Variants in DPP10 observed in about 807,000 individuals in gnomAD.
The protein encoded by DPP10 is dipeptidyl peptidase like 10.
Under a neutral mutation model 120.9 loss-of-function variants are expected in DPP10, and 33 were observed. The observed-to-expected ratio is 0.27, with a 90% confidence interval of 0.21 to 0.37. The LOEUF (loss-of-function observed/expected upper bound fraction) is 0.37. DPP10 is among the 10% of genes least tolerant of loss of function. The pLI is 1.00. For synonymous variants in DPP10, 337 were observed against 326.1 expected (o/e 1.03, Z -0.36); for missense variants, 816 against 942.8 (o/e 0.87, Z 1.76).
chr2:114,629,075 T>C (rs553593941), intron 1 of DPP10, among the ~76,000 whole-genome samples: 1 of 152,298 alleles, frequency 6.6e-6, no homozygotes, highest in East Asian at 1.9e-4. Flanking sequence ...ATGGGTTATT[T>C]TAAATAGTTC....
chr2:115,449,601 A>G lies in DPP10; in HGVS notation c.272-49909A>G, dbSNP rs12619844. Among the ~76,000 whole-genome samples, 606 of 152,196 alleles carry G rather than the reference A, an allele frequency of 4.0e-3. 16 individuals are homozygous for G. In the East Asian group the frequency reaches 0.076, roughly 19 times the overall value. On this transcript the variant is annotated intron_variant, in intron 3 of 25. Coordinates refer to ENST00000410059, the MANE Select transcript of DPP10 (RefSeq NM_020868.6). ...TCAGATTTAGGATCCTGTAATGAAC[A>G]CATCCCAGTCTCTCTTCTAGCTAAA...
chr2:115,033,693 C>T (rs1704007903), intron 1 of DPP10, among the ~76,000 whole-genome samples: 1 of 71,772 alleles, frequency 1.4e-5, no homozygotes, highest in Non-Finnish European at 2.8e-5. Flanking sequence ...CAATATCTTC[C>T]CTCCTTTTTT....
intron 1 of DPP10, among the ~76,000 whole-genome samples, chr2:114,735,453 T>A (rs1407654340): frequency 6.6e-6 from 1 of 152,192 alleles, no homozygotes; most frequent in African/African-American, 2.4e-5. Context: ...GTAAAAATCT[T>A]TCAGATGGTT....
At chr2:114,860,402 G>A (rs1400868452) in intron 1 of DPP10, among the ~76,000 whole-genome samples, 2 of 152,118 alleles carry the variant, frequency 1.3e-5, no homozygotes, top group Non-Finnish European at 2.9e-5. Flanking sequence ...AGGAGCATTG[G>A]GGATTACAGA....
chr2:115,179,176 A>G (rs185621210), intron 1 of DPP10, among the ~76,000 whole-genome samples: 75 of 152,322 alleles, frequency 4.9e-4, no homozygotes, highest in African/African-American at 1.7e-3. Flanking sequence ...TCTGAAACAC[A>G]ATTCTATACC....
At chr2:115,416,865 G>T (rs778638959) in intron 3 of DPP10, among the ~76,000 whole-genome samples, 2 of 152,124 alleles carry the variant, frequency 1.3e-5, no homozygotes, top group African/African-American at 2.4e-5. Context: ...TAAAGAGATT[G>T]AAATTTCTGA....
intron 5 of DPP10, among the ~76,000 whole-genome samples, chr2:115,544,420 C>G (rs2079371834): frequency 6.6e-6 from 1 of 151,978 alleles, no homozygotes; most frequent in African/African-American, 2.4e-5. Flanking sequence ...ATATTAATTC[C>G]TAAGTATTCA....
At chr2:114,498,327 C>G (rs1204970657) in intron 1 of DPP10, among the ~76,000 whole-genome samples, 3 of 152,136 alleles carry the variant, frequency 2.0e-5, no homozygotes, top group Non-Finnish European at 4.4e-5. Context: ...CCTCCCTCCC[C>G]CTCCCCTGCC....
intron 1 of DPP10, among the ~76,000 whole-genome samples, chr2:114,489,241 C>T (rs1205223375): frequency 6.6e-6 from 1 of 152,154 alleles, no homozygotes. Flanking sequence ...CTTCTTCTCT[C>T]CAGGAAGGAG....
intron 1 of DPP10, among the ~76,000 whole-genome samples, chr2:114,756,662 G>C (rs1279939602): frequency 6.6e-6 from 1 of 152,196 alleles, no homozygotes; most frequent in Non-Finnish European, 1.5e-5. Flanking sequence ...GGTCCAAGAA[G>C]AGCATGGGAC....
At chr2:114,473,109 C>G (rs1057308988) in intron 1 of DPP10, among the ~76,000 whole-genome samples, 1 of 152,048 alleles carries the variant, frequency 6.6e-6, no homozygotes, top group South Asian at 2.1e-4. Flanking sequence ...TTTTTTTCTC[C>G]TTTGGCCTTA....
intron 1 of DPP10, among the ~76,000 whole-genome samples, chr2:115,129,743 T>C (rs1272223571): frequency 6.6e-6 from 1 of 152,196 alleles, no homozygotes; most frequent in Non-Finnish European, 1.5e-5. Flanking sequence ...CTCATAGTGT[T>C]GTCAGGAAAC....
intron 3 of DPP10, among the ~76,000 whole-genome samples, chr2:115,442,342 A>G (rs1320838377): frequency 6.8e-6 from 1 of 147,790 alleles, no homozygotes; most frequent in African/African-American, 2.6e-5. Context: ...CTCTTGCAAT[A>G]TATTATCTGT....
chr2:114,673,594 T>C (rs1698485114), intron 1 of DPP10, among the ~76,000 whole-genome samples: 1 of 151,982 alleles, frequency 6.6e-6, no homozygotes, highest in African/African-American at 2.4e-5. Flanking sequence ...AAGATGGGTC[T>C]ACAGATGCAC....
At chr2:114,748,366 A>ATTTAT (rs1558698926) in intron 1 of DPP10, among the ~76,000 whole-genome samples, 2 of 73,696 alleles carry the variant, frequency 2.7e-5, no homozygotes, top group African/African-American at 6.0e-5. Flanking sequence ...TTTTTATTTT[A>ATTTAT]TTTATTTATT....
At chr2:115,114,774 G>A (rs2049412284) in intron 1 of DPP10, among the ~76,000 whole-genome samples, 2 of 151,980 alleles carry the variant, frequency 1.3e-5, no homozygotes, top group South Asian at 4.1e-4. Context: ...ACTAGAATTA[G>A]TAACAAATTA....
chr2:115,814,728 A>G (rs1403904383), intron 19 of DPP10, 65 bp from the exon 20 acceptor site: 2 of 1,337,342 alleles, frequency 1.5e-6, no homozygotes, highest in Non-Finnish European at 2.0e-6. Flanking sequence ...TGTGAGTATG[A>G]AAGGTAAAAT....
At chr2:114,639,300 C>T (rs1422334459) in intron 1 of DPP10, among the ~76,000 whole-genome samples, 2 of 151,864 alleles carry the variant, frequency 1.3e-5, no homozygotes, top group Admixed American at 6.6e-5. Context: ...TACTCCCCAT[C>T]GTGAAAACAG....
chr2:115,138,652 C>G (rs2050768832), intron 1 of DPP10, among the ~76,000 whole-genome samples: 1 of 152,008 alleles, frequency 6.6e-6, no homozygotes, highest in Non-Finnish European at 1.5e-5. Context: ...GAAAATAAAA[C>G]ACAATTTTTT....
Sources: allele counts gnomAD v4.1 joint callset (sites outside exome capture counted in the v4.1 genomes callset), GRCh38; gene constraint gnomAD v4.1.1; transcripts MANE v1.5; gene names NCBI Gene and HGNC (gene_info 2026-07-23, HGNC 2026-07-21).